PPP1R12A: variants seen among roughly 807,000 people sequenced by gnomAD.
The protein encoded by PPP1R12A is myosin binding subunit.
In PPP1R12A, 19 loss-of-function variants were observed where a neutral mutation model predicts 139.6. The ratio of observed to expected loss-of-function variants is 0.14; its 90% CI spans 0.09 to 0.20. The LOEUF is 0.20. PPP1R12A is among the 10% of genes least tolerant of loss of function. PPP1R12A has a pLI of 1.00. For missense variants in PPP1R12A, 925 were observed against 1,211.5 expected (o/e 0.76, Z 3.51); for synonymous variants, 427 against 420.6 (o/e 1.02, Z -0.19).
chr12:79,868,416 T>C (rs1036563721), intron 2 of PPP1R12A, among the ~76,000 whole-genome samples: 1 of 152,174 alleles, frequency 6.6e-6, no homozygotes, highest in Non-Finnish European at 1.5e-5. Context: ...TTATACTGCT[T>C]ATATTAGTTT....
At chr12:79,790,846 A>G (rs1034088348) in intron 19 of PPP1R12A, among the ~76,000 whole-genome samples, 2 of 152,140 alleles carry the variant, frequency 1.3e-5, no homozygotes, top group Admixed American at 6.5e-5. Context: ...TTCTTTTTCT[A>G]TTGAAATACT....
At chr12:79,844,700 T>C (rs1442296010) in intron 3 of PPP1R12A, among the ~76,000 whole-genome samples, 1 of 152,188 alleles carries the variant, frequency 6.6e-6, no homozygotes, top group Non-Finnish European at 1.5e-5. Context: ...CTCCATTGGC[T>C]TCCTATTTCA....
chr12:79,781,570 A>C (rs2136972851), intron 23 of PPP1R12A, among the ~76,000 whole-genome samples: 1 of 152,178 alleles, frequency 6.6e-6, no homozygotes, highest in South Asian at 2.1e-4. Flanking sequence ...TCAAGGCAAG[A>C]CAGTTTTTTT....
At chr12:79,890,673 A>G (rs2137420606) in intron 1 of PPP1R12A, among the ~76,000 whole-genome samples, 1 of 152,288 alleles carries the variant, frequency 6.6e-6, no homozygotes, top group Non-Finnish European at 1.5e-5. Flanking sequence ...ACGGACAATC[A>G]ACATTAATTG....
intron 15 of PPP1R12A, 102 bp downstream of exon 15, chr12:79,798,392 C>A: frequency 1.4e-6 from 1 of 720,902 alleles, no homozygotes; most frequent in Admixed American, 2.9e-5. Context: ...ATTTTCACAA[C>A]AAAGTGAAAA....
At chr12:79,776,037 A>G (rs1170039396) in intron 24 of PPP1R12A, 22 bp from the exon 25 acceptor site, 1 of 1,415,990 alleles carries the variant, frequency 7.1e-7, no homozygotes, top group Admixed American at 2.1e-5. Context: ...AAAATTGAAG[A>G]TCAAGTTTTA....
At chr12:79,794,580 TAAAA>T (rs201224073) in intron 18 of PPP1R12A, among the ~76,000 whole-genome samples, 1 of 151,480 alleles carries the variant, frequency 6.6e-6, no homozygotes, top group African/African-American at 2.4e-5. Flanking sequence ...TGTTGTTTAT[TAAAA>T]AAAACACAAA....
At chr12:79,776,470 G>T (rs1330346797) in intron 24 of PPP1R12A, among the ~76,000 whole-genome samples, 1 of 152,034 alleles carries the variant, frequency 6.6e-6, no homozygotes, top group African/African-American at 2.4e-5. Context: ...GAGGAAATTA[G>T]ACTTGTTCTA....
At chr12:79,906,226 T>C (rs1393532168) in intron 1 of PPP1R12A, among the ~76,000 whole-genome samples, 2 of 152,024 alleles carry the variant, frequency 1.3e-5, no homozygotes, top group Non-Finnish European at 2.9e-5. Flanking sequence ...TTAATATTAA[T>C]GATAAAAACT....
At chr12:79,798,953 G>A (rs974373925) in intron 14 of PPP1R12A, among the ~76,000 whole-genome samples, 1 of 152,072 alleles carries the variant, frequency 6.6e-6, no homozygotes, top group Non-Finnish European at 1.5e-5. Context: ...TAAGCAGAAT[G>A]GATAAGGAGT....
At chr12:79,837,321 G>A (rs1197421426) in intron 3 of PPP1R12A, among the ~76,000 whole-genome samples, 1 of 151,962 alleles carries the variant, frequency 6.6e-6, no homozygotes, top group African/African-American at 2.4e-5. Flanking sequence ...AATTTAGTCA[G>A]CAACAGATTC....
chr12:79,885,718 T>C (rs974537051), intron 1 of PPP1R12A, among the ~76,000 whole-genome samples: 13 of 152,198 alleles, frequency 8.5e-5, no homozygotes, highest in African/African-American at 2.9e-4. Context: ...AATGAAATTA[T>C]AGTCCATTAC....
intron 14 of PPP1R12A, among the ~76,000 whole-genome samples, chr12:79,800,756 C>T (rs1378823722): frequency 5.2e-5 from 7 of 134,218 alleles, no homozygotes; most frequent in South Asian, 2.4e-4. Flanking sequence ...TTTTTTGAAA[C>T]GGAGTCTCGC....
intron 1 of PPP1R12A, among the ~76,000 whole-genome samples, chr12:79,926,252 C>T (rs958806167): frequency 2.6e-5 from 4 of 152,234 alleles, no homozygotes; most frequent in Non-Finnish European, 4.4e-5. Context: ...GAGGCATGAT[C>T]TCAGTTCACT....
rs757494892 is a variant in PPP1R12A at position 79,934,902 on chromosome 12, C to G, written c.30G>C (p.Arg10=). 1 of 1,605,798 alleles carries G rather than the reference C, an allele frequency of 6.2e-7. No homozygotes were observed. Among genetic ancestry groups the G allele is most frequent in the South Asian group, 1.1e-5 (1 of 89,358 alleles). Residue 10 remains arginine (R), a synonymous_variant, in exon 1 of 25, where the codon CGG becomes CGC. Transcript: ENST00000450142. MKMADAKQK[R]NEQLKRWIGS... ...CGATCCAGCGTTTCAGCTGCTCGTT[C>G]CGCTTCTGCTTCGCGTCCGCCATCT...
rs71463840 is a variant in PPP1R12A, at chr12:79,916,674, T to C, written c.237+18021A>G. 9.0e-3 allele frequency among the ~76,000 whole-genome samples: 1,368 copies of C among 152,266 alleles called. 12 individuals carry two copies. Among genetic ancestry groups the C allele is most frequent in the Middle Eastern group, 0.031 (9 of 294 alleles). The stretch of plus-strand genomic sequence containing the variant: ...ATTCCATTATTTGCTTAGAATACTC[T>C]CCCAAGGTGTTCATCACATCGTCAA... On this transcript the variant is annotated intron_variant, in intron 1 of 24. Coordinates refer to ENST00000450142, the MANE Select transcript of PPP1R12A (RefSeq NM_002480.3).
chr12:79,918,999 C>G (rs1222065478), intron 1 of PPP1R12A, among the ~76,000 whole-genome samples: 1 of 151,690 alleles, frequency 6.6e-6, no homozygotes, highest in African/African-American at 2.4e-5. Context: ...GCCTGTAATC[C>G]CAGCTACTCA....
intron 14 of PPP1R12A, among the ~76,000 whole-genome samples, chr12:79,801,856 T>C (rs1331892843): frequency 6.6e-6 from 1 of 152,186 alleles, no homozygotes; most frequent in East Asian, 1.9e-4. Context: ...ATTACATTTG[T>C]AGCTAAGTCA....
intron 1 of PPP1R12A, among the ~76,000 whole-genome samples, chr12:79,915,255 T>G (rs1462078715): frequency 3.3e-5 from 5 of 152,146 alleles, no homozygotes; most frequent in African/African-American, 1.2e-4. Context: ...TGAGAATGTA[T>G]GCATGTTTAT....
Sources: allele counts gnomAD v4.1 joint callset (sites outside exome capture counted in the v4.1 genomes callset), GRCh38; gene constraint gnomAD v4.1.1; transcripts MANE v1.5; gene names NCBI Gene and HGNC (gene_info 2026-07-23, HGNC 2026-07-21).